Variants in MGAT4C observed in about 807,000 individuals in gnomAD.
MGAT4C encodes alpha-1,3-mannosyl-glycoprotein 4-beta-N-acetylglucosaminyltransferase C.
In MGAT4C, 19 loss-of-function variants were observed where a neutral mutation model predicts 40.1. The observed-to-expected ratio is 0.47, with a 90% CI of 0.33 to 0.70. MGAT4C has a LOEUF of 0.70. Among genes scored for constraint, MGAT4C ranks in the 30% least tolerant of loss-of-function variants. MGAT4C has a pLI of 0.02. For synonymous variants in MGAT4C, 181 were observed against 187.1 expected (o/e 0.97, Z 0.27); for missense variants, 491 against 563.2 (o/e 0.87, Z 1.30).
intron 4 of MGAT4C, among the ~76,000 whole-genome samples, chr12:86,263,738 A>G (rs1005004349): frequency 1.3e-5 from 2 of 152,090 alleles, no homozygotes; most frequent in Non-Finnish European, 2.9e-5. Flanking sequence ...TTAGTTCTTC[A>G]AGAAATCTCC....
intron 2 of MGAT4C, among the ~76,000 whole-genome samples, chr12:86,498,269 A>G (rs530350477): frequency 6.7e-4 from 101 of 151,728 alleles, no homozygotes; most frequent in Non-Finnish European, 1.3e-3. Flanking sequence ...TCAGATATAT[A>G]CAGTTGACCC....
At chr12:86,091,783 A>T (rs180886592) in intron 1 of MGAT4C, among the ~76,000 whole-genome samples, 3 of 152,240 alleles carry the variant, frequency 2.0e-5, no homozygotes, top group Admixed American at 1.3e-4. Context: ...CCCTTGAAGT[A>T]TATCATAACA....
At chr12:86,302,500 C>G (rs1442552264) in intron 4 of MGAT4C, among the ~76,000 whole-genome samples, 2 of 150,424 alleles carry the variant, frequency 1.3e-5, no homozygotes, top group South Asian at 4.2e-4. Flanking sequence ...GCAATGTGGG[C>G]GCACTGCAAC....
intron 1 of MGAT4C, among the ~76,000 whole-genome samples, chr12:86,236,035 T>C (rs1247255687): frequency 2.6e-5 from 4 of 152,138 alleles, no homozygotes; most frequent in Non-Finnish European, 5.9e-5. Flanking sequence ...TCTGTATTTT[T>C]TTCTTTGCAG....
At chr12:86,466,261 G>T (rs1372988976) in intron 2 of MGAT4C, among the ~76,000 whole-genome samples, 1 of 151,818 alleles carries the variant, frequency 6.6e-6, no homozygotes, top group South Asian at 2.1e-4. Context: ...CAGTTTTATT[G>T]GTAATTGCCA....
chr12:86,425,000 C>G (rs147526551), intron 3 of MGAT4C, among the ~76,000 whole-genome samples: 3,083 of 152,168 alleles, frequency 0.02, 84 homozygotes, highest in African/African-American at 0.07. Flanking sequence ...TCATGATCCA[C>G]CTGCCTCAGC....
intron 2 of MGAT4C, among the ~76,000 whole-genome samples, chr12:86,580,407 T>C (rs374198889): frequency 1.7e-3 from 259 of 151,702 alleles, no homozygotes; most frequent in African/African-American, 5.9e-3. Context: ...CCCTAAGGTA[T>C]AGATTATAGT....
At chr12:86,113,750 G>A (rs1877865301) in intron 1 of MGAT4C, among the ~76,000 whole-genome samples, 1 of 151,888 alleles carries the variant, frequency 6.6e-6, no homozygotes, top group Non-Finnish European at 1.5e-5. Context: ...TCCTGCACTA[G>A]TTGATTTCTA....
chr12:86,819,691 T>G (rs2136225346), intron 1 of MGAT4C, among the ~76,000 whole-genome samples: 1 of 151,082 alleles, frequency 6.6e-6, no homozygotes, highest in South Asian at 2.1e-4. Flanking sequence ...ATATGTATTT[T>G]AATACAGAAA....
intron 2 of MGAT4C, among the ~76,000 whole-genome samples, chr12:86,562,681 G>A (rs1959925505): frequency 6.6e-6 from 1 of 152,034 alleles, no homozygotes. Flanking sequence ...CCCTAGAGGT[G>A]AGGTTCAGAG....
At chr12:86,144,748 AT>A (rs1466698105) in intron 1 of MGAT4C, among the ~76,000 whole-genome samples, 2 of 152,178 alleles carry the variant, frequency 1.3e-5, no homozygotes, top group Non-Finnish European at 2.9e-5. Flanking sequence ...TTATGTTTTA[AT>A]TTTTATGTTC....
intron 2 of MGAT4C, among the ~76,000 whole-genome samples, chr12:86,441,668 G>C (rs1957231213): frequency 6.6e-6 from 1 of 151,756 alleles, no homozygotes; most frequent in Non-Finnish European, 1.5e-5. Context: ...CCCTACAAAG[G>C]ACATGAACTC....
chr12:86,437,251 T>G (rs1592846984), intron 2 of MGAT4C, among the ~76,000 whole-genome samples: 1 of 151,806 alleles, frequency 6.6e-6, no homozygotes, highest in African/African-American at 2.4e-5. Flanking sequence ...TGTAGACATT[T>G]TTACTAGTTA....
intron 2 of MGAT4C, among the ~76,000 whole-genome samples, chr12:86,663,683 A>C (rs939136957): frequency 2.0e-5 from 3 of 152,162 alleles, no homozygotes; most frequent in Admixed American, 6.5e-5. Flanking sequence ...TGGTGGAGAA[A>C]GGGGAAAGTG....
chr12:86,161,976 T>C (rs1885640933), intron 1 of MGAT4C, among the ~76,000 whole-genome samples: 1 of 152,074 alleles, frequency 6.6e-6, no homozygotes, highest in South Asian at 2.1e-4. Flanking sequence ...AGAACAGCTA[T>C]TATTAAGAAG....
intron 1 of MGAT4C, among the ~76,000 whole-genome samples, chr12:86,821,114 TTTAGC>T (rs1337461663): frequency 6.6e-6 from 1 of 150,942 alleles, no homozygotes; most frequent in Admixed American, 6.6e-5. Flanking sequence ...ATTACTTTTA[TTTAGC>T]TTAGTCATTA....
chr12:86,214,893 A>T (rs1340764160), intron 1 of MGAT4C, among the ~76,000 whole-genome samples: 2 of 152,232 alleles, frequency 1.3e-5, no homozygotes, highest in African/African-American at 2.4e-5. Context: ...AAATGTAAGT[A>T]ACTTTCATTT....
At chr12:86,441,591 T>C (rs1274850372) in intron 2 of MGAT4C, among the ~76,000 whole-genome samples, 1 of 148,368 alleles carries the variant, frequency 6.7e-6, no homozygotes, top group Non-Finnish European at 1.5e-5. Flanking sequence ...AGTGAGAACA[T>C]GCAGTGTTTG....
At chr12:86,283,897 T>C (rs1424056766) in intron 4 of MGAT4C, among the ~76,000 whole-genome samples, 1 of 152,138 alleles carries the variant, frequency 6.6e-6, no homozygotes, top group Non-Finnish European at 1.5e-5. Flanking sequence ...TTCAACACTT[T>C]GTGCTAAGGC....
Sources: allele counts gnomAD v4.1 joint callset (sites outside exome capture counted in the v4.1 genomes callset), GRCh38; gene constraint gnomAD v4.1.1; transcripts MANE v1.5; gene names NCBI Gene and HGNC (gene_info 2026-07-23, HGNC 2026-07-21).